Variants in SOX5 observed in about 807,000 individuals in gnomAD.
The protein encoded by SOX5 is SRY-box transcription factor 5.
In SOX5, 9 loss-of-function variants were observed where a neutral mutation model predicts 92.0. The observed-to-expected ratio is 0.10, with a 90% CI of 0.06 to 0.17. The LOEUF (loss-of-function observed/expected upper bound fraction) is 0.17. Ranked by LOEUF, SOX5 falls within the 10% of genes least tolerant of loss-of-function variation. SOX5 has a pLI of 1.00. For synonymous variants in SOX5, 344 were observed against 336.3 expected, an observed-to-expected ratio of 1.02 and a Z score of -0.25; for missense variants, 642 against 944.5, an observed-to-expected ratio of 0.68 and a Z score of 4.20.
chr12:24,141,054 A>C (rs957400808), intron 4 of SOX5, among the ~76,000 whole-genome samples: 2 of 27,094 alleles, frequency 7.4e-5, no homozygotes, highest in African/African-American at 1.1e-4. Context: ...GGTCAGAAAT[A>C]GAGAAGAACA....
chr12:23,543,081 G>C, intron 13 of SOX5, 130 bp downstream of exon 13: 1 of 624,434 alleles, frequency 1.6e-6, no homozygotes, highest in Middle Eastern at 3.7e-4. Flanking sequence ...CCTCAATGAT[G>C]ATGTTTATTT....
chr12:23,979,696 A>ACGTTTTTTTTTTT (rs1949301745), intron 4 of SOX5, among the ~76,000 whole-genome samples: 1 of 27,430 alleles, frequency 3.6e-5, no homozygotes, highest in Admixed American at 6.6e-4. Flanking sequence ...ATATATATAT[A>ACGTTTTTTTTTTT]TGTTTTTTTT....
At chr12:24,509,562 GA>G (rs1002443466) in intron 1 of SOX5, among the ~76,000 whole-genome samples, 1 of 152,030 alleles carries the variant, frequency 6.6e-6, no homozygotes, top group Non-Finnish European at 1.5e-5. Flanking sequence ...TTTTGGGGGG[GA>G]ATAAAAAGCA....
intron 4 of SOX5, among the ~76,000 whole-genome samples, chr12:24,200,878 G>T (rs1053449411): frequency 6.6e-6 from 1 of 152,102 alleles, no homozygotes; most frequent in Non-Finnish European, 1.5e-5. Flanking sequence ...TATTCAAATT[G>T]CCCTTATGCT....
intron 4 of SOX5, among the ~76,000 whole-genome samples, chr12:23,966,071 G>A (rs112151752): frequency 2.0e-5 from 3 of 152,130 alleles, no homozygotes; most frequent in African/African-American, 7.2e-5. Context: ...CAGCAAAAAT[G>A]TCCTTTCATA....
At chr12:23,815,966 A>G (rs1352603734) in intron 3 of SOX5, among the ~76,000 whole-genome samples, 2 of 152,188 alleles carry the variant, frequency 1.3e-5, no homozygotes, top group African/African-American at 4.8e-5. Flanking sequence ...ATGAAAAAGC[A>G]TGGCTGTGTT....
At chr12:23,977,652 T>A (rs1949063889) in intron 4 of SOX5, among the ~76,000 whole-genome samples, 1 of 122,456 alleles carries the variant, frequency 8.2e-6, no homozygotes, top group African/African-American at 3.0e-5. Flanking sequence ...GTCGAGAGTC[T>A]CGTTCTGTCT....
At chr12:23,729,216 T>C (rs2093293730) in intron 6 of SOX5, among the ~76,000 whole-genome samples, 2 of 152,108 alleles carry the variant, frequency 1.3e-5, no homozygotes, top group Non-Finnish European at 2.9e-5. Context: ...GTTAGTTAGG[T>C]ATTATATTTC....
intron 2 of SOX5, among the ~76,000 whole-genome samples, chr12:23,861,515 T>C (rs61247136): frequency 2.6e-5 from 4 of 152,296 alleles, no homozygotes; most frequent in African/African-American, 9.6e-5. Context: ...ACTTCTACAA[T>C]TCTACTGGAA....
chr12:24,098,536 C>T (rs537400286), intron 4 of SOX5, among the ~76,000 whole-genome samples: 5 of 152,226 alleles, frequency 3.3e-5, no homozygotes, highest in Admixed American at 1.3e-4. Context: ...GTTTAGAGAA[C>T]GGTCCAATGC....
intron 4 of SOX5, chr12:24,212,423 AGTTGT>A (rs66686007): frequency 0.039 from 20,555 of 533,844 alleles, 518 homozygotes; most frequent in South Asian, 0.058. Context: ...AGCCACTGGT[AGTTGT>A]TCTACAGAAG....
rs1180349028 is a variant in SOX5 at position 23,770,043 on chromosome 12, CCTCT to C, written c.482-14323_482-14320del. Among the ~76,000 whole-genome samples the C allele has an allele frequency of 2.2e-5, 3 of 135,576 alleles. No homozygotes were observed. In the Admixed American group the frequency reaches 2.4e-4, roughly 11 times the overall value. The allele number at this position is 135,576 out of a possible 152,430, so 88.9% of individuals were successfully genotyped here. A position where few individuals can be genotyped will look rare whatever the true frequency, so the allele number is the denominator to read the frequency against. The stretch of plus-strand genomic sequence containing the variant: ...TTCATATATTTCAAGTTAAATGCTC[CCTCT>C]GTTTTTTTTTTTTTTTTTTGCCTCA... On this transcript the variant is annotated intron_variant, in intron 3 of 14. Transcript: ENST00000451604.
At chr12:24,261,061 T>C (rs1028114552) in intron 3 of SOX5, among the ~76,000 whole-genome samples, 7 of 152,192 alleles carry the variant, frequency 4.6e-5, no homozygotes, top group African/African-American at 1.7e-4. Context: ...AACAAACATG[T>C]AAAATATTTA....
At chr12:24,415,555 G>T (rs1363757968) in intron 1 of SOX5, among the ~76,000 whole-genome samples, 2 of 152,146 alleles carry the variant, frequency 1.3e-5, no homozygotes, top group African/African-American at 4.8e-5. Flanking sequence ...AAGATAGAAA[G>T]ATCAACATAC....
chr12:24,292,188 G>A (rs1257977528), intron 2 of SOX5, among the ~76,000 whole-genome samples: 1 of 152,148 alleles, frequency 6.6e-6, no homozygotes, highest in East Asian at 1.9e-4. Context: ...TAGTGGCAGG[G>A]TGCCAAGATC....
chr12:23,810,155 T>C (rs572851008), intron 3 of SOX5, among the ~76,000 whole-genome samples: 5 of 152,320 alleles, frequency 3.3e-5, no homozygotes, highest in South Asian at 2.1e-4. Context: ...AACTTCTTTA[T>C]GATATCTCGC....
intron 4 of SOX5, among the ~76,000 whole-genome samples, chr12:24,036,116 C>T (rs948990315): frequency 2.0e-5 from 3 of 151,934 alleles, no homozygotes; most frequent in Non-Finnish European, 4.4e-5. Flanking sequence ...TTTCAAAATG[C>T]CAATATAATT....
intron 2 of SOX5, among the ~76,000 whole-genome samples, chr12:24,308,083 G>T (rs555839891): frequency 6.6e-6 from 1 of 152,184 alleles, no homozygotes; most frequent in East Asian, 1.9e-4. Context: ...CTGCAGTTAG[G>T]TGAGTGTGCT....
At chr12:23,537,619 T>A (rs1200800715) in intron 13 of SOX5, among the ~76,000 whole-genome samples, 1 of 152,252 alleles carries the variant, frequency 6.6e-6, no homozygotes, top group Non-Finnish European at 1.5e-5. Flanking sequence ...CCAAATTGTT[T>A]TCCCCCTTTC....
Sources: gnomAD v4.1 joint callset for allele counts (sites outside exome capture counted in the v4.1 genomes callset) on GRCh38, gnomAD v4.1.1 for gene constraint, MANE v1.5 for transcripts, NCBI Gene and HGNC (gene_info 2026-07-23, HGNC 2026-07-21) for gene names.